TNS3: variants seen among roughly 807,000 people sequenced by gnomAD.
TNS3 encodes the protein tensin 3.
In TNS3, 45 loss-of-function variants were observed where a neutral mutation model predicts 140.9. The observed-to-expected ratio is 0.32, with a 90% CI of 0.25 to 0.41. TNS3 has a LOEUF of 0.41. Ranked by LOEUF, TNS3 falls within the 10% of genes least tolerant of loss-of-function variation. TNS3 has a pLI of 1.00. For synonymous variants in TNS3, 815 were observed against 788.4 expected (o/e 1.03, Z -0.56); for missense variants, 1,716 against 1,906.7 (o/e 0.90, Z 1.86).
chr7:47,306,609 C>G (rs1461739770), intron 20 of TNS3, among the ~76,000 whole-genome samples: 1 of 151,706 alleles, frequency 6.6e-6, no homozygotes, highest in Non-Finnish European at 1.5e-5. Flanking sequence ...GAGTCTCGCT[C>G]TGTCGCCCAG....
chr7:47,508,601 C>T (rs185825419), intron 2 of TNS3, among the ~76,000 whole-genome samples: 78 of 152,328 alleles, frequency 5.1e-4, no homozygotes, highest in South Asian at 1.0e-3. Context: ...CACAGGACCA[C>T]GACATCATGC....
chr7:47,304,780 T>C, intron 21 of TNS3, 52 bp downstream of exon 21: 6 of 1,337,834 alleles, frequency 4.5e-6, no homozygotes, highest in Non-Finnish European at 5.8e-6. Context: ...CCTCTCAGCA[T>C]TCTGGGTCTT....
intron 4 of TNS3, among the ~76,000 whole-genome samples, chr7:47,474,614 T>A (rs1308209977): frequency 1.5e-4 from 13 of 88,872 alleles, no homozygotes; most frequent in Admixed American, 4.5e-4. Context: ...ACAAAACACC[T>A]CACACACAAC....
In TNS3 at chr7:47,349,128, T is replaced by C. The variant is rs527441791; in HGVS notation, c.2282-2772A>G. On this transcript the variant is annotated intron_variant, in intron 17 of 30. Coordinates refer to ENST00000311160, the MANE Select transcript of TNS3 (RefSeq NM_022748.12). ...CCCAGAAATGTTCCTGTTGAACACATGGATTTGAAACTGTTCCTCAATTCT... is the reference window on the plus strand; with the variant it reads ...CCCAGAAATGTTCCTGTTGAACACACGGATTTGAAACTGTTCCTCAATTCT... Among the ~76,000 whole-genome samples, 7 of 152,258 alleles carry C rather than the reference T, an allele frequency of 4.6e-5. No individual in the cohort carries two copies. In the East Asian group the frequency reaches 1.4e-3, roughly 29 times the overall value.
chr7:47,465,471 C>T (rs1475109693), intron 4 of TNS3, among the ~76,000 whole-genome samples: 2 of 152,184 alleles, frequency 1.3e-5, no homozygotes, highest in African/African-American at 4.8e-5. Flanking sequence ...GAAGTAGAGA[C>T]ACGCGGATCA....
chr7:47,280,351 G>A lies in TNS3; in HGVS notation c.4101C>T (p.Leu1367=), dbSNP rs368581501. Reference sequence around the variant, plus strand: ...TCACGGGGTAATGCCTCCGGAAGAAGAGCCTGTTGGGACATGGGGGAGAGA... The same window carrying A: ...TCACGGGGTAATGCCTCCGGAAGAAAAGCCTGTTGGGACATGGGGGAGAGA... ...GITLTDNQRK[L]FFRRHYPVNS... is the part of the protein sequence containing the mutation. The change falls in exon 29 of 31, where the codon CTC becomes CTT. Residue 1367 remains leucine, a synonymous_variant. Transcript: ENST00000311160. The A allele has an allele frequency of 2.8e-5, 46 of 1,614,040 alleles. No homozygotes were observed. The highest frequency in any genetic ancestry group is 2.0e-4 in the South Asian group (18 of 91,080).
chr7:47,580,164 A>T lies in TNS3; in HGVS notation c.-265+1887T>A, dbSNP rs527343066. On this transcript the variant is annotated intron_variant, in intron 1 of 30. Transcript: ENST00000311160. ...GCTGTCTGGACATGCATTAGAATTCAGTCGACAGACGCGCAGCAGCAGCCA... is the reference window on the plus strand; with the variant it reads ...GCTGTCTGGACATGCATTAGAATTCTGTCGACAGACGCGCAGCAGCAGCCA... Among the ~76,000 whole-genome samples the T allele has an allele frequency of 8.4e-4, 128 of 152,330 alleles. 1 individual carries two copies. Among genetic ancestry groups the T allele is most frequent in the African/African-American group, 2.9e-3 (122 of 41,566 alleles).
intron 8 of TNS3, 49 bp from the exon 9 acceptor site, chr7:47,428,425 A>G (rs1794766346): frequency 7.6e-7 from 1 of 1,313,206 alleles, no homozygotes; most frequent in Non-Finnish European, 1.0e-6. Context: ...CCCACAGCAG[A>G]GATGTAATTA....
chr7:47,285,790 A>G (rs1785387702), intron 27 of TNS3, among the ~76,000 whole-genome samples: 1 of 152,226 alleles, frequency 6.6e-6, no homozygotes, highest in Non-Finnish European at 1.5e-5. Flanking sequence ...CCACATATTC[A>G]TTACAGTGGG....
intron 1 of TNS3, among the ~76,000 whole-genome samples, chr7:47,562,416 C>T (rs569400916): frequency 6.8e-6 from 1 of 146,106 alleles, no homozygotes; most frequent in Admixed American, 6.9e-5. Context: ...TATGGAGTTT[C>T]ACTCTTGTTG....
intron 4 of TNS3, among the ~76,000 whole-genome samples, chr7:47,455,501 G>A (rs930560293): frequency 2.0e-5 from 3 of 152,134 alleles, no homozygotes; most frequent in East Asian, 1.9e-4. Context: ...AGGGCTCTGA[G>A]CAGCCCTGCT....
Position 47,302,402 on chromosome 7 carries a change from G to A in TNS3, c.3458-130C>T, listed in dbSNP as rs1035356552. The A allele has an allele frequency of 1.0e-5, 7 of 702,048 alleles. No homozygotes were observed. In the African/African-American group the frequency reaches 1.1e-4, roughly 11 times the overall value. 43.5% of individuals were successfully genotyped at this position (702,048 alleles called of 1,614,324 possible). ...CAAGCGAGCGATGTTCTAAGGAAAG[G>A]GAACCCTGCCTTTGAAATGACTGAG... On this transcript the variant is annotated intron_variant, in intron 22 of 30. Transcript: ENST00000311160.
At chr7:47,400,734 G>C in intron 14 of TNS3, 51 bp downstream of exon 14, 1 of 1,602,812 alleles carries the variant, frequency 6.2e-7, no homozygotes, top group African/African-American at 1.3e-5. Context: ...CAACCAAGGA[G>C]GTTCAACCGC....
In TNS3 at chr7:47,292,005, G is replaced by A. The variant is rs1395935871; in HGVS notation, c.3878C>T (p.Ser1293Phe). 2.5e-6 allele frequency: 4 copies of A among 1,614,174 alleles called. No homozygotes were observed. The highest frequency in any genetic ancestry group is 3.4e-6 in the Non-Finnish European group (4 of 1,180,032). The change falls in exon 27 of 31, where the codon TCT (serine) becomes TTT (phenylalanine). Residue 1293 changes from serine (S) to phenylalanine (F), a missense_variant. By Grantham distance (155) the Ser-to-Phe change is radical. This residue lies in a region of TNS3 where 216 missense variants were observed against 295.7 expected (regional missense o/e 0.73). Coordinates refer to ENST00000311160, the MANE Select transcript of TNS3 (RefSeq NM_022748.12). ...TGCTGAATTGGCTGCCGTCTGGGGA[G>A]AACTTTCTGCTATTTCCTCCAATGG... ...RDPLEEIAES[S>F]PQTAANSAAE...
At chr7:47,307,893 G>A (rs1220030949) in intron 20 of TNS3, among the ~76,000 whole-genome samples, 1 of 152,092 alleles carries the variant, frequency 6.6e-6, no homozygotes, top group African/African-American at 2.4e-5. Context: ...TTCTGAGTCT[G>A]TTGCCTGTGC....
chr7:47,505,632 G>A (rs143095652), intron 3 of TNS3, among the ~76,000 whole-genome samples: 6 of 152,330 alleles, frequency 3.9e-5, no homozygotes, highest in Admixed American at 1.3e-4. Flanking sequence ...GCTCCTGCAC[G>A]TGCTCGGCAT....
intron 1 of TNS3, among the ~76,000 whole-genome samples, chr7:47,565,979 C>A (rs553963704): frequency 2.7e-4 from 41 of 151,880 alleles, no homozygotes; most frequent in Non-Finnish European, 4.9e-4. Flanking sequence ...CCACATGGAA[C>A]TTTAAAGACA....
chr7:47,307,780 T>C (rs1170630584), intron 20 of TNS3, among the ~76,000 whole-genome samples: 1 of 152,236 alleles, frequency 6.6e-6, no homozygotes, highest in Non-Finnish European at 1.5e-5. Context: ...ATCCTTTTCC[T>C]TTTTTTCACT....
At chr7:47,294,636 C>T (rs1395408604) in intron 24 of TNS3, among the ~76,000 whole-genome samples, 1 of 152,218 alleles carries the variant, frequency 6.6e-6, no homozygotes, top group Admixed American at 6.5e-5. Context: ...CTCCTGGCAG[C>T]AAGATCCACT....
Sources: allele counts gnomAD v4.1 joint callset (sites outside exome capture counted in the v4.1 genomes callset), GRCh38; gene constraint gnomAD v4.1.1; regional missense constraint gnomAD v4.1.1; transcripts MANE v1.5; gene names NCBI Gene and HGNC (gene_info 2026-07-23, HGNC 2026-07-21).